The following INTS7 variants were observed in gnomAD, a reference collection of about 807,000 sequenced individuals.
The protein encoded by INTS7 is integrator complex subunit 7.
INTS7 carries 46 observed loss-of-function variants against 109.2 expected under a neutral mutation model. The ratio of observed to expected loss-of-function variants is 0.42; its 90% CI spans 0.33 to 0.54. The LOEUF (loss-of-function observed/expected upper bound fraction) is 0.54, where lower values mean the gene tolerates loss of function less well. Ranked by LOEUF, INTS7 falls within the 20% of genes least tolerant of loss-of-function variation. The pLI, the probability that INTS7 is intolerant of heterozygous loss-of-function variation, is 0.07. For missense variants in INTS7, 929 were observed against 1,132.4 expected, an observed-to-expected ratio of 0.82 and a Z score of 2.58; for synonymous variants, 412 against 402.9, an observed-to-expected ratio of 1.02 and a Z score of -0.27.
At chr1:211,996,948 TG>T (rs1208868672) in intron 7 of INTS7, among the ~76,000 whole-genome samples, 2 of 151,660 alleles carry the variant, frequency 1.3e-5, no homozygotes, top group Non-Finnish European at 2.9e-5. Flanking sequence ...CGCTTAAGCC[TG>T]GGGGGTCAAG....
At chr1:212,000,151 T>A (rs1046209871) in intron 7 of INTS7, among the ~76,000 whole-genome samples, 1 of 151,828 alleles carries the variant, frequency 6.6e-6, no homozygotes, top group Non-Finnish European at 1.5e-5. Context: ...AAAAGGGATA[T>A]AAACACAAAT....
chr1:211,949,306 A>G (rs1662986005), intron 17 of INTS7, among the ~76,000 whole-genome samples: 2 of 152,182 alleles, frequency 1.3e-5, no homozygotes, highest in Admixed American at 1.3e-4. Flanking sequence ...ATCCCAGCCC[A>G]TCTTTCTTCC....
chr1:211,954,810 T>C (rs1663287902), intron 16 of INTS7, among the ~76,000 whole-genome samples: 1 of 152,256 alleles, frequency 6.6e-6, no homozygotes, highest in Non-Finnish European at 1.5e-5. Flanking sequence ...CCTTGTAGTA[T>C]AGTTTGAAGT....
At chr1:212,020,376 T>A in intron 2 of INTS7, 108 bp from the exon 3 acceptor site, 1 of 711,868 alleles carries the variant, frequency 1.4e-6, no homozygotes, top group Admixed American at 3.2e-5. Context: ...TATTTTTCAA[T>A]CTTAACATTA....
chr1:211,956,369 C>G (rs1052778872), intron 16 of INTS7, among the ~76,000 whole-genome samples: 1 of 152,212 alleles, frequency 6.6e-6, no homozygotes, highest in South Asian at 2.1e-4. Context: ...AATTGATTTT[C>G]TAATGTTAAC....
intron 7 of INTS7, among the ~76,000 whole-genome samples, chr1:211,997,856 G>A (rs1158972504): frequency 1.3e-5 from 2 of 149,450 alleles, no homozygotes; most frequent in East Asian, 2.0e-4. Context: ...TCCAGCCCTG[G>A]TGACAGAGCA....
intron 4 of INTS7, among the ~76,000 whole-genome samples, chr1:212,014,428 G>A (rs1174977976): frequency 8.5e-6 from 1 of 117,588 alleles, no homozygotes; most frequent in Non-Finnish European, 1.6e-5. Context: ...TTGCGCCACT[G>A]TACTCCAGCC....
At chr1:211,982,622 T>C in intron 9 of INTS7, 54 bp downstream of exon 9, 1 of 1,403,310 alleles carries the variant, frequency 7.1e-7, no homozygotes, top group Non-Finnish European at 9.6e-7. Flanking sequence ...AACAGAATTC[T>C]GTCCAAGGTC....
intron 7 of INTS7, among the ~76,000 whole-genome samples, chr1:211,997,617 A>T (rs1046743256): frequency 6.6e-6 from 1 of 151,168 alleles, no homozygotes; most frequent in African/African-American, 2.4e-5. Flanking sequence ...AGTGGCTCTC[A>T]CCTATAATCC....
At chr1:212,009,811 A>C (rs924870857) in intron 5 of INTS7, among the ~76,000 whole-genome samples, 2 of 152,196 alleles carry the variant, frequency 1.3e-5, no homozygotes, top group African/African-American at 4.8e-5. Flanking sequence ...CTAATGTCAT[A>C]AGGATACTTT....
intron 7 of INTS7, among the ~76,000 whole-genome samples, chr1:212,001,647 C>T (rs562108838): frequency 1.3e-5 from 2 of 152,304 alleles, no homozygotes; most frequent in African/African-American, 4.8e-5. Flanking sequence ...TCTACTCAGT[C>T]TTTTACCCAC....
chr1:212,021,001 A>G (rs1666669875), intron 2 of INTS7, 82 bp downstream of exon 2: 3 of 1,315,274 alleles, frequency 2.3e-6, no homozygotes, highest in Non-Finnish European at 3.1e-6. Context: ...AAGTACTAAA[A>G]GGCAAAAAGA....
chr1:211,983,400 T>C (rs748179098), intron 8 of INTS7, among the ~76,000 whole-genome samples: 3 of 152,218 alleles, frequency 2.0e-5, no homozygotes, highest in Non-Finnish European at 4.4e-5. Flanking sequence ...CATGTTCTAA[T>C]GCCCCTGTTA....
intron 17 of INTS7, among the ~76,000 whole-genome samples, chr1:211,948,032 T>G (rs1662918106): frequency 6.6e-6 from 1 of 152,228 alleles, no homozygotes; most frequent in African/African-American, 2.4e-5. Flanking sequence ...CTCTAATATT[T>G]TTCCCACCAG....
chr1:212,026,237 G>T (rs1009962810), intron 1 of INTS7, among the ~76,000 whole-genome samples: 2 of 152,092 alleles, frequency 1.3e-5, no homozygotes, highest in Admixed American at 1.3e-4. Flanking sequence ...AAACTGCATA[G>T]GTAATTTCTA....
At chr1:212,016,828 TC>T (rs1217896872) in intron 4 of INTS7, 57 bp downstream of exon 4, 1 of 1,445,832 alleles carries the variant, frequency 6.9e-7, no homozygotes, top group Admixed American at 2.2e-5. Flanking sequence ...AGTTTTTCCT[TC>T]AAAAATTTTT....
At chr1:212,024,549 C>A (rs1316329435) in intron 1 of INTS7, among the ~76,000 whole-genome samples, 1 of 152,192 alleles carries the variant, frequency 6.6e-6, no homozygotes, top group Non-Finnish European at 1.5e-5. Context: ...TATGTCCACA[C>A]AAACATCTGT....
intron 4 of INTS7, among the ~76,000 whole-genome samples, chr1:212,014,265 G>C (rs1666298259): frequency 6.6e-6 from 1 of 152,038 alleles, no homozygotes; most frequent in South Asian, 2.1e-4. Flanking sequence ...AGGAGTTCAA[G>C]ACGAGCCTGG....
intron 4 of INTS7, among the ~76,000 whole-genome samples, chr1:212,015,107 G>A (rs1350515506): frequency 6.6e-6 from 1 of 150,794 alleles, no homozygotes; most frequent in South Asian, 2.1e-4. Context: ...CCCCGCCCGG[G>A]CAGCCGCCCC....
Sources: gnomAD v4.1 joint callset for allele counts (sites outside exome capture counted in the v4.1 genomes callset) on GRCh38, gnomAD v4.1.1 for gene constraint, MANE v1.5 for transcripts, NCBI Gene and HGNC (gene_info 2026-07-23, HGNC 2026-07-21) for gene names.